NDUFA10: variants seen among roughly 807,000 people sequenced by gnomAD.
NDUFA10 encodes the protein NADH dehydrogenase [ubiquinone] 1 alpha subcomplex subunit 10, mitochondrial.
Under a neutral mutation model 47.8 loss-of-function variants are expected in NDUFA10, and 40 were observed. The observed-to-expected ratio is 0.84, with a 90% CI of 0.65 to 1.09. NDUFA10 has a LOEUF of 1.09. NDUFA10 is among the 50% of genes least tolerant of loss of function. The pLI, the probability that NDUFA10 is intolerant of heterozygous loss-of-function variation, is 0.00. For missense variants in NDUFA10, 413 were observed against 451.1 expected, an observed-to-expected ratio of 0.92 and a Z score of 0.76; for synonymous variants, 183 against 172.2, an observed-to-expected ratio of 1.06 and a Z score of -0.49.
chr2:239,943,413 C>A (rs1694393467), intron 4 of NDUFA10, among the ~76,000 whole-genome samples: 1 of 152,214 alleles, frequency 6.6e-6, no homozygotes, highest in Non-Finnish European at 1.5e-5. Flanking sequence ...GAGCTCACTG[C>A]AGCCCCAATT....
intron 9 of NDUFA10, among the ~76,000 whole-genome samples, chr2:239,962,138 A>C (rs754607913): frequency 1.3e-5 from 2 of 152,156 alleles, no homozygotes; most frequent in African/African-American, 4.8e-5. Flanking sequence ...TGTGTCGCCC[A>C]GCGATGGCAG....
At chr2:239,932,031 T>G (rs774057756) in intron 4 of NDUFA10, among the ~76,000 whole-genome samples, 3 of 151,956 alleles carry the variant, frequency 2.0e-5, no homozygotes, top group African/African-American at 4.8e-5. Context: ...AGACGGGGTT[T>G]CACCATATTA....
At chr2:239,926,662 G>T (rs1347598665) in intron 4 of NDUFA10, among the ~76,000 whole-genome samples, 8 of 152,138 alleles carry the variant, frequency 5.3e-5, no homozygotes, top group Non-Finnish European at 4.4e-5. Context: ...AGTCCTTCAG[G>T]AGGTATTCAG....
At chr2:239,902,956 TGCAGTTG>T (rs1304697536) in intron 4 of NDUFA10, among the ~76,000 whole-genome samples, 3 of 152,216 alleles carry the variant, frequency 2.0e-5, no homozygotes, top group Non-Finnish European at 4.4e-5. Flanking sequence ...ATATTTGGGC[TGCAGTTG>T]GCCATTGCAC....
chr2:239,896,361 G>T (rs1693396615), intron 4 of NDUFA10, among the ~76,000 whole-genome samples: 1 of 152,236 alleles, frequency 6.6e-6, no homozygotes, highest in Admixed American at 6.5e-5. Flanking sequence ...CCCTTCTTAA[G>T]TGCAAGGCCC....
intron 4 of NDUFA10, among the ~76,000 whole-genome samples, chr2:239,920,241 A>C (rs1377421416): frequency 1.3e-5 from 2 of 152,204 alleles, no homozygotes; most frequent in Admixed American, 1.3e-4. Context: ...CTCCCCAGGA[A>C]CAGAATACCT....
intron 4 of NDUFA10, among the ~76,000 whole-genome samples, chr2:239,915,027 CAT>C (rs1461172709): frequency 1.5e-5 from 2 of 135,858 alleles, no homozygotes; most frequent in Non-Finnish European, 3.2e-5. Context: ...CAGAGATACA[CAT>C]ACACACACAG....
rs543665772 is a variant in NDUFA10, at chr2:239,996,146, A to C, written c.891-5964T>G. Among the ~76,000 whole-genome samples the C allele has an allele frequency of 1.1e-3, 166 of 152,332 alleles. 1 individual carries two copies. Among genetic ancestry groups the C allele is most frequent in the Non-Finnish European group, 1.7e-3 (116 of 68,028 alleles). On this transcript the variant is annotated intron_variant, in intron 8 of 9. Transcript: ENST00000252711. ...ACTCTGAGTAACCGATGGACCCAGC[A>C]GAGAGAAAATCAGTAAGGATACCGA...
chr2:239,998,270 T>C (rs764997835), intron 8 of NDUFA10, among the ~76,000 whole-genome samples: 4 of 152,206 alleles, frequency 2.6e-5, no homozygotes, highest in Admixed American at 6.5e-5. Context: ...CTAAGCGTCA[T>C]GGTTCACCAC....
intron 4 of NDUFA10, among the ~76,000 whole-genome samples, chr2:239,904,251 C>T (rs951609487): frequency 3.3e-5 from 5 of 152,090 alleles, no homozygotes; most frequent in Non-Finnish European, 5.9e-5. Context: ...GGTGCCTCTT[C>T]CTTTCTTCTT....
intron 5 of NDUFA10, among the ~76,000 whole-genome samples, chr2:239,893,264 G>T (rs4572627): frequency 0.16 from 23,755 of 152,078 alleles, 1,961 homozygotes; most frequent in Admixed American, 0.22. Context: ...TGATCGCACA[G>T]AGGACCGGAA....
chr2:239,955,833 T>A (rs1262002814), downstream of NDUFA10, among the ~76,000 whole-genome samples: 2 of 152,096 alleles, frequency 1.3e-5, no homozygotes, highest in Non-Finnish European at 2.9e-5. Flanking sequence ...CTACCTCACC[T>A]GTGGGCACGG....
intron 8 of NDUFA10, among the ~76,000 whole-genome samples, chr2:239,999,102 G>A (rs1192407533): frequency 6.6e-6 from 1 of 152,152 alleles, no homozygotes; most frequent in African/African-American, 2.4e-5. Flanking sequence ...CACCACAGAA[G>A]CGGGGACTCC....
intron 9 of NDUFA10, among the ~76,000 whole-genome samples, chr2:239,977,374 C>T (rs1162389359): frequency 6.6e-6 from 1 of 152,188 alleles, no homozygotes; most frequent in Non-Finnish European, 1.5e-5. Context: ...CTAACTCGCC[C>T]CTGACACTGC....
intron 9 of NDUFA10, among the ~76,000 whole-genome samples, chr2:239,970,698 G>A (rs1695272784): frequency 6.6e-6 from 1 of 152,242 alleles, no homozygotes; most frequent in African/African-American, 2.4e-5. Context: ...ACAAGGTGTG[G>A]ATTGACTGTG....
chr2:239,952,910 A>G (rs764426917), downstream of NDUFA10, among the ~76,000 whole-genome samples: 3 of 152,208 alleles, frequency 2.0e-5, no homozygotes, highest in Admixed American at 1.3e-4. Flanking sequence ...CAGAAGGCCC[A>G]TCTCTGTGGT....
chr2:239,907,463 C>G lies in NDUFA10; in HGVS notation c.295-12149G>C, dbSNP rs192787266. The stretch of plus-strand genomic sequence containing the variant: ...ACTACCATCAGAGTGAACAGGCAAC[C>G]TACAAAATGGGAGAAAGTTTTTATG... On this transcript the variant is annotated intron_variant, in intron 4 of 5. Coordinates refer to the NDUFA10 transcript ENST00000419408. Among the ~76,000 whole-genome samples, 16 of 152,258 alleles carry G rather than the reference C, an allele frequency of 1.1e-4. No individual in the cohort carries two copies. The East Asian group carries it at 2.7e-3, about 26-fold the overall frequency.
rs116550810 is a variant in NDUFA10, at chr2:239,928,820, G to A, written c.295-33506C>T. Among the ~76,000 whole-genome samples, 2,704 of 152,236 alleles carry A rather than the reference G, an allele frequency of 0.018. 44 individuals carry two copies. The highest frequency in any genetic ancestry group is 0.041 in the Middle Eastern group (12 of 294). On this transcript the variant is annotated intron_variant, in intron 4 of 5. Coordinates refer to the NDUFA10 transcript ENST00000419408. This position sits in a 1 kb window ranked among gnomAD's most constrained non-coding sequence, Gnocchi z 4.3. The stretch of plus-strand genomic sequence containing the variant: ...TTCCAAGCAGCCCAGGCCCAACCTC[G>A]GAGCCTGTGTGGTTGCTCCTTCACC...
intron 4 of NDUFA10, among the ~76,000 whole-genome samples, chr2:239,937,072 G>C (rs1195037575): frequency 6.6e-6 from 1 of 152,212 alleles, no homozygotes; most frequent in East Asian, 1.9e-4. Flanking sequence ...GACGAATCAG[G>C]AGCAGAGGGG....
Sources: gnomAD v4.1 joint callset for allele counts (sites outside exome capture counted in the v4.1 genomes callset) on GRCh38, gnomAD v4.1.1 for gene constraint, Gnocchi (gnomAD v3.1) non-coding constraint, MANE v1.5 for transcripts, NCBI Gene and HGNC (gene_info 2026-07-23, HGNC 2026-07-21) for gene names.